Variants in RNF2 observed in about 807,000 individuals in gnomAD.
RNF2 encodes ring finger protein 2.
RNF2 carries 6 observed loss-of-function variants against 37.2 expected under a neutral mutation model. The ratio of observed to expected loss-of-function variants is 0.16; its 90% CI spans 0.09 to 0.32. The LOEUF (loss-of-function observed/expected upper bound fraction) is 0.32. Ranked by LOEUF, RNF2 falls within the 10% of genes least tolerant of loss-of-function variation. RNF2 has a pLI of 1.00. For missense variants in RNF2, 251 were observed against 404.0 expected, an observed-to-expected ratio of 0.62 and a Z score of 3.25; for synonymous variants, 133 against 132.7, an observed-to-expected ratio of 1.00 and a Z score of -0.02.
chr1:185,086,847 G>T (rs1651613077), intron 1 of RNF2, among the ~76,000 whole-genome samples: 1 of 152,158 alleles, frequency 6.6e-6, no homozygotes, highest in African/African-American at 2.4e-5. Flanking sequence ...TGAAGAATCT[G>T]AAGTTTTCCT....
chr1:185,098,161 A>C lies in RNF2; in HGVS notation c.554A>C (p.His185Pro). The change falls in exon 5 of 7, where the codon CAT (histidine) becomes CCT (proline). Residue 185 changes from histidine (H) to proline (P), a missense_variant. Transcript: ENST00000367510. Reference sequence around the variant, plus strand: ...TCACACTGCAGTAATGCATCCACACATAGCAATCAGGAAGCAGGCCCTAGT... The same window carrying C: ...TCACACTGCAGTAATGCATCCACACCTAGCAATCAGGAAGCAGGCCCTAGT... Reference protein sequence around the residue: ...DSSHCSNASTHSNQEAGPSNK... With the variant: ...DSSHCSNASTPSNQEAGPSNK... 1 of 1,614,248 alleles carries C rather than the reference A, an allele frequency of 6.2e-7. No homozygotes were observed. Among genetic ancestry groups the C allele is most frequent in the Non-Finnish European group, 8.5e-7 (1 of 1,180,032 alleles).
chr1:185,085,145 CTTTTTTTTTT>C (rs71555455), intron 1 of RNF2, among the ~76,000 whole-genome samples: 2 of 103,222 alleles, frequency 1.9e-5, no homozygotes, highest in African/African-American at 8.0e-5. Context: ...CTTTCTTTTT[CTTTTTTTTTT>C]TTTTTTTTTT....
chr1:185,070,847 G>A (rs759890298), intron 1 of RNF2, among the ~76,000 whole-genome samples: 46 of 151,776 alleles, frequency 3.0e-4, no homozygotes, highest in South Asian at 1.0e-3. Flanking sequence ...CGTATTAGCC[G>A]GGATGGTCTC....
intron 1 of RNF2, among the ~76,000 whole-genome samples, chr1:185,054,231 C>T (rs1449919354): frequency 6.6e-6 from 1 of 152,220 alleles, no homozygotes; most frequent in Non-Finnish European, 1.5e-5. Flanking sequence ...TTGGACTAAA[C>T]TGGACATTAT....
At chr1:185,093,297 G>C in intron 4 of RNF2, 21 bp downstream of exon 4, 1 of 1,603,632 alleles carries the variant, frequency 6.2e-7, no homozygotes, top group African/African-American at 1.3e-5. Flanking sequence ...AAGAGGGTCA[G>C]AGAGGGTAGC....
chr1:185,075,194 G>C (rs926353122), intron 1 of RNF2, among the ~76,000 whole-genome samples: 2 of 151,874 alleles, frequency 1.3e-5, no homozygotes, highest in East Asian at 1.9e-4. Flanking sequence ...GGTTTTCGCC[G>C]TGTTGGCCAG....
intron 1 of RNF2, among the ~76,000 whole-genome samples, chr1:185,070,187 C>T (rs1173642554): frequency 1.3e-5 from 2 of 152,062 alleles, no homozygotes; most frequent in African/African-American, 4.8e-5. Context: ...ATGGAATGTG[C>T]CAGGTACTTC....
intron 4 of RNF2, among the ~76,000 whole-genome samples, chr1:185,095,066 G>A (rs947660557): frequency 2.0e-5 from 3 of 152,146 alleles, no homozygotes; most frequent in Non-Finnish European, 2.9e-5. Context: ...TAAAAGATGT[G>A]CTCCATTCTA....
At chr1:185,098,866 C>T (rs1415341215) in intron 5 of RNF2, among the ~76,000 whole-genome samples, 1 of 151,926 alleles carries the variant, frequency 6.6e-6, no homozygotes, top group Admixed American at 6.5e-5. Flanking sequence ...ATTCTCCTGC[C>T]TCAGCCTCCC....
intron 1 of RNF2, among the ~76,000 whole-genome samples, chr1:185,081,820 G>A (rs2102186774): frequency 6.6e-6 from 1 of 152,234 alleles, no homozygotes; most frequent in East Asian, 1.9e-4. Flanking sequence ...GCAGTTTTCG[G>A]TGCATCTCGA....
At chr1:185,078,006 G>A (rs767010939) in intron 1 of RNF2, among the ~76,000 whole-genome samples, 1 of 152,230 alleles carries the variant, frequency 6.6e-6, no homozygotes, top group Non-Finnish European at 1.5e-5. Flanking sequence ...AGCACTTTGG[G>A]AGGCCAAGGC....
chr1:185,061,202 A>C (rs1398236395), intron 1 of RNF2, among the ~76,000 whole-genome samples: 3 of 145,536 alleles, frequency 2.1e-5, no homozygotes, highest in African/African-American at 7.7e-5. Context: ...ATCTCGGCTC[A>C]CTGCAAGCTC....
At chr1:185,069,672 T>C (rs1650910088) in intron 1 of RNF2, among the ~76,000 whole-genome samples, 1 of 152,132 alleles carries the variant, frequency 6.6e-6, no homozygotes, top group Non-Finnish European at 1.5e-5. Context: ...GCCTATAATA[T>C]CTTAATCCTC....
chr1:185,055,690 G>A (rs1028231460), intron 1 of RNF2, among the ~76,000 whole-genome samples: 1 of 152,182 alleles, frequency 6.6e-6, no homozygotes, highest in Non-Finnish European at 1.5e-5. Context: ...CGAAGTCTGG[G>A]ATTACGAGGT....
At chr1:185,058,430 A>C (rs1042407316) in intron 1 of RNF2, among the ~76,000 whole-genome samples, 8 of 152,128 alleles carry the variant, frequency 5.3e-5, no homozygotes, top group African/African-American at 1.9e-4. Context: ...AGAGTTCCTT[A>C]CTTTCATCAG....
At chr1:185,067,621 T>A (rs1350450101) in intron 1 of RNF2, among the ~76,000 whole-genome samples, 3 of 152,134 alleles carry the variant, frequency 2.0e-5, no homozygotes, top group Non-Finnish European at 4.4e-5. Context: ...TTTTTCTTTG[T>A]TTCATAGTGC....
At chr1:185,081,483 T>C (rs1354990486) in intron 1 of RNF2, among the ~76,000 whole-genome samples, 3 of 150,814 alleles carry the variant, frequency 2.0e-5, no homozygotes, top group African/African-American at 7.3e-5. Context: ...AACGTCTGCC[T>C]CCTGGGTTCA....
rs1041026923 is a variant in RNF2, at chr1:185,098,191, A to G, written c.584A>G (p.Lys195Arg). ...AATCAGGAAGCAGGCCCTAGTAACA[A>G]ACGGACCAAAACATCTGATGATTCT... ...HSNQEAGPSN[K>R]RTKTSDDSGL... is the part of the protein sequence containing the mutation. Residue 195 changes from lysine to arginine, a missense_variant, in exon 5 of 7, where the codon AAA (lysine) becomes AGA (arginine). Coordinates refer to ENST00000367510, the MANE Select transcript of RNF2 (RefSeq NM_007212.4). The G allele has an allele frequency of 6.2e-7, 1 of 1,614,238 alleles. No individual in the cohort carries two copies.
chr1:185,051,196 A>G (rs143228924), intron 1 of RNF2, among the ~76,000 whole-genome samples: 18 of 152,266 alleles, frequency 1.2e-4, no homozygotes, highest in Non-Finnish European at 2.4e-4. Context: ...AACCCTCACT[A>G]TTTACACTGT....
Sources: allele counts gnomAD v4.1 joint callset (sites outside exome capture counted in the v4.1 genomes callset), GRCh38; gene constraint gnomAD v4.1.1; transcripts MANE v1.5; gene names NCBI Gene and HGNC (gene_info 2026-07-23, HGNC 2026-07-21).